The following DAB1 variants were observed in gnomAD, a reference collection of about 807,000 sequenced individuals.
The protein encoded by DAB1 is disabled homolog 1.
A neutral mutation model predicts 64.6 loss-of-function variants in DAB1; 15 were observed. The ratio of observed to expected loss-of-function variants is 0.23; its 90% confidence interval spans 0.16 to 0.36. The LOEUF is 0.36. DAB1 is among the 10% of genes least tolerant of loss of function. The pLI, the probability that DAB1 is intolerant of heterozygous loss-of-function variation, is 1.00. For missense variants in DAB1, 596 were observed against 706.7 expected (o/e 0.84, Z 1.78); for synonymous variants, 235 against 251.9 (o/e 0.93, Z 0.64).
intron 5 of DAB1, among the ~76,000 whole-genome samples, chr1:57,899,123 C>G (rs1644436946): frequency 6.6e-6 from 1 of 151,906 alleles, no homozygotes; most frequent in Admixed American, 6.6e-5. Flanking sequence ...TTTTCAAAAC[C>G]AGATTCTCCT....
chr1:58,090,705 A>G (rs912354907), intron 5 of DAB1, among the ~76,000 whole-genome samples: 3 of 152,172 alleles, frequency 2.0e-5, no homozygotes, highest in Admixed American at 1.3e-4. Flanking sequence ...GGGAGGGACA[A>G]TTCAGACAAG....
intron 4 of DAB1, chr1:58,228,943 G>T: frequency 2.1e-6 from 1 of 469,858 alleles, no homozygotes; most frequent in South Asian, 1.9e-5. Context: ...CTGCTAGATT[G>T]ACTGAGGATG....
chr1:57,801,020 G>C (rs752762333), intron 6 of DAB1, among the ~76,000 whole-genome samples: 9 of 152,154 alleles, frequency 5.9e-5, no homozygotes, highest in Non-Finnish European at 1.2e-4. Context: ...CCGATAAAGT[G>C]GTGATTCTAA....
intron 2 of DAB1, among the ~76,000 whole-genome samples, chr1:57,249,168 G>C (rs1010928075): frequency 6.6e-6 from 1 of 152,090 alleles, no homozygotes; most frequent in Non-Finnish European, 1.5e-5. Flanking sequence ...AAAACAAATA[G>C]TCAAAGTAGC....
intron 3 of DAB1, among the ~76,000 whole-genome samples, chr1:58,496,560 G>A (rs1645806496): frequency 6.6e-6 from 1 of 152,144 alleles, no homozygotes. Flanking sequence ...GAGCATTTCA[G>A]AGGCTTTGTT....
chr1:57,605,862 G>T, intron 7 of DAB1: 1 of 591,432 alleles, frequency 1.7e-6, no homozygotes, highest in South Asian at 1.6e-5. Context: ...CATCTGCAAC[G>T]GTGACTTCCA....
At chr1:58,348,793 A>C (rs1644024521) in intron 3 of DAB1, among the ~76,000 whole-genome samples, 1 of 152,226 alleles carries the variant, frequency 6.6e-6, no homozygotes, top group African/African-American at 2.4e-5. Flanking sequence ...GAGTAAATAA[A>C]TGAAGTCTTT....
intron 3 of DAB1, among the ~76,000 whole-genome samples, chr1:58,350,086 C>A (rs1175687323): frequency 2.0e-5 from 3 of 152,150 alleles, no homozygotes; most frequent in African/African-American, 4.8e-5. Context: ...TGTGTAAAAG[C>A]ATTCCTATTT....
chr1:57,530,852 G>A (rs1004805718), intron 7 of DAB1, among the ~76,000 whole-genome samples: 8 of 152,190 alleles, frequency 5.3e-5, no homozygotes, highest in African/African-American at 1.2e-4. Context: ...ATAATACCAC[G>A]GAGAGTACCC....
At chr1:57,932,946 G>C (rs886239704) in intron 5 of DAB1, among the ~76,000 whole-genome samples, 3 of 152,166 alleles carry the variant, frequency 2.0e-5, no homozygotes, top group East Asian at 1.9e-4. Context: ...CTGGTTAAAC[G>C]GTTTCTTATG....
At chr1:58,210,638 G>A (rs531821643) in intron 4 of DAB1, among the ~76,000 whole-genome samples, 2 of 152,280 alleles carry the variant, frequency 1.3e-5, no homozygotes, top group African/African-American at 2.4e-5. Context: ...TATTTGAAAA[G>A]CTGTGTTATT....
At chr1:57,539,262 AAAAC>A (rs1420935769) in intron 7 of DAB1, among the ~76,000 whole-genome samples, 1 of 152,228 alleles carries the variant, frequency 6.6e-6, no homozygotes, top group African/African-American at 2.4e-5. Context: ...ATGAATTGGG[AAAAC>A]AAACAAATGA....
At chr1:58,119,222 G>GTT (rs1652584682) in intron 5 of DAB1, among the ~76,000 whole-genome samples, 1 of 76,734 alleles carries the variant, frequency 1.3e-5, no homozygotes, top group African/African-American at 5.3e-5. Context: ...TTGTGTGTGT[G>GTT]TGCGTGTGTG....
At chr1:57,565,969 A>G (rs1296388808) in intron 7 of DAB1, among the ~76,000 whole-genome samples, 1 of 152,240 alleles carries the variant, frequency 6.6e-6, no homozygotes, top group African/African-American at 2.4e-5. Context: ...TCAACAGAAT[A>G]TACATTCTTC....
intron 5 of DAB1, among the ~76,000 whole-genome samples, chr1:58,041,915 C>T (rs189252911): frequency 3.7e-4 from 57 of 152,342 alleles, no homozygotes; most frequent in African/African-American, 1.4e-3. Flanking sequence ...AAGGGCTTAT[C>T]CCCAACACCA....
At chr1:57,019,506 T>C (rs1289643297) in intron 11 of DAB1, among the ~76,000 whole-genome samples, 4 of 152,152 alleles carry the variant, frequency 2.6e-5, no homozygotes, top group Non-Finnish European at 4.4e-5. Context: ...TTGGGTATCA[T>C]GTTTAGGAGC....
chr1:57,729,758 T>C (rs1041032081), intron 6 of DAB1, among the ~76,000 whole-genome samples: 2 of 152,324 alleles, frequency 1.3e-5, no homozygotes, highest in African/African-American at 4.8e-5. Flanking sequence ...ATTTTCTAAG[T>C]GTTTTATATA....
At chr1:57,989,186 G>C (rs1238752890) in intron 5 of DAB1, among the ~76,000 whole-genome samples, 1 of 152,148 alleles carries the variant, frequency 6.6e-6, no homozygotes. Context: ...TCATAGAGTA[G>C]GCATGAGGGT....
intron 3 of DAB1, chr1:58,473,811 A>C (rs1409062692): frequency 1.8e-6 from 1 of 566,774 alleles, no homozygotes; most frequent in Non-Finnish European, 3.2e-6. Context: ...AGAAAGTCTG[A>C]GCACCGCCAA....
Sources: gnomAD v4.1 joint callset for allele counts (sites outside exome capture counted in the v4.1 genomes callset) on GRCh38, gnomAD v4.1.1 for gene constraint, MANE v1.5 for transcripts, NCBI Gene and HGNC (gene_info 2026-07-23, HGNC 2026-07-21) for gene names.